The following LRRTM4 variants were observed in gnomAD, a reference collection of about 807,000 sequenced individuals.
The protein encoded by LRRTM4 is leucine-rich repeat transmembrane neuronal protein 4.
A neutral mutation model predicts 47.6 loss-of-function variants in LRRTM4; 25 were observed. That is an observed-to-expected ratio of 0.53 (90% CI 0.38 to 0.73). The LOEUF (loss-of-function observed/expected upper bound fraction) is 0.73, where lower values mean the gene tolerates loss of function less well. LRRTM4 is among the 30% of genes least tolerant of loss of function. The probability of loss-of-function intolerance (pLI) is 0.00; values close to 1 mark genes in which losing one functional copy is unlikely to be tolerated. For missense variants in LRRTM4, 638 were observed against 713.4 expected (o/e 0.89, Z 1.20); for synonymous variants, 311 against 269.5 (o/e 1.15, Z -1.51).
chr2:76,828,979 C>T (rs1671260401), intron 3 of LRRTM4, among the ~76,000 whole-genome samples: 2 of 151,968 alleles, frequency 1.3e-5, no homozygotes, highest in African/African-American at 4.8e-5. Context: ...CCTAAATCAT[C>T]TGCTTTGAGT....
At chr2:77,353,791 A>T (rs745772341) in intron 3 of LRRTM4, among the ~76,000 whole-genome samples, 2 of 152,174 alleles carry the variant, frequency 1.3e-5, no homozygotes, top group Non-Finnish European at 2.9e-5. Flanking sequence ...CCCAACTGAT[A>T]TGAAATGCAG....
At chr2:77,168,007 A>C (rs1313439307) in intron 3 of LRRTM4, among the ~76,000 whole-genome samples, 1 of 152,086 alleles carries the variant, frequency 6.6e-6, no homozygotes, top group Non-Finnish European at 1.5e-5. Flanking sequence ...ATTATAGGGA[A>C]TCTGTTTTTT....
At position 76,748,713 on chromosome 2, in the gene LRRTM4, T is replaced by C. The variant is rs1490871570; in HGVS notation, c.1755A>G (p.Leu585=). ...TTCAGCGTTAGTTTGCAATTCTCTC[T>C]AGGTAGATGGCCGGTGCTGCCGACC... ...IARSAAPAIY[L]ERIAN The change falls in exon 4 of 4, where the codon CTA becomes CTG. Residue 585 remains leucine (L), a synonymous_variant. Coordinates refer to ENST00000409884, the MANE Select transcript of LRRTM4 (RefSeq NM_001134745.3). 10 of 1,609,968 alleles carry C rather than the reference T, an allele frequency of 6.2e-6. No homozygotes were observed. In the South Asian group the frequency reaches 9.9e-5, roughly 16 times the overall value.
At chr2:77,361,990 G>A (rs973772807) in intron 3 of LRRTM4, among the ~76,000 whole-genome samples, 1 of 151,996 alleles carries the variant, frequency 6.6e-6, no homozygotes, top group African/African-American at 2.4e-5. Flanking sequence ...TCAGGAGGCT[G>A]AGGCAGGAGA....
chr2:76,778,515 C>T (rs1674161962), intron 3 of LRRTM4, among the ~76,000 whole-genome samples: 1 of 150,098 alleles, frequency 6.7e-6, no homozygotes, highest in Admixed American at 6.6e-5. Context: ...AGGAATTTAT[C>T]CATTTCTTGT....
At chr2:76,851,178 A>C (rs1671982437) in intron 3 of LRRTM4, among the ~76,000 whole-genome samples, 1 of 152,190 alleles carries the variant, frequency 6.6e-6, no homozygotes, top group African/African-American at 2.4e-5. Context: ...TGATTTACAG[A>C]GTGGGAAGCA....
chr2:77,489,718 A>G (rs1295137247), intron 3 of LRRTM4, among the ~76,000 whole-genome samples: 1 of 152,226 alleles, frequency 6.6e-6, no homozygotes, highest in Non-Finnish European at 1.5e-5. Context: ...GACAAAACCC[A>G]TTATTACAAA....
At chr2:77,330,960 A>G (rs1447770571) in intron 3 of LRRTM4, among the ~76,000 whole-genome samples, 2 of 152,168 alleles carry the variant, frequency 1.3e-5, no homozygotes, top group African/African-American at 4.8e-5. Context: ...ATAAAGCAGG[A>G]TGACTCAAAT....
chr2:76,901,521 C>A (rs543932646), intron 3 of LRRTM4, among the ~76,000 whole-genome samples: 1 of 152,084 alleles, frequency 6.6e-6, no homozygotes, highest in South Asian at 2.1e-4. Flanking sequence ...TCTTCATTCC[C>A]GCCCATTTTG....
chr2:77,045,673 T>G (rs1174127221), intron 3 of LRRTM4, among the ~76,000 whole-genome samples: 1 of 151,958 alleles, frequency 6.6e-6, no homozygotes, highest in Non-Finnish European at 1.5e-5. Flanking sequence ...CTGCCATCCA[T>G]GTAAGATGTG....
intron 3 of LRRTM4, among the ~76,000 whole-genome samples, chr2:77,208,167 C>A (rs1425611166): frequency 1.3e-5 from 2 of 152,032 alleles, no homozygotes; most frequent in African/African-American, 2.4e-5. Context: ...GCATGAGCCA[C>A]CACGCACCCC....
At chr2:76,770,272 C>A (rs887717083) in intron 3 of LRRTM4, among the ~76,000 whole-genome samples, 2 of 152,156 alleles carry the variant, frequency 1.3e-5, no homozygotes, top group Non-Finnish European at 2.9e-5. Context: ...CCTTGTCTTT[C>A]AAAACTCATA....
intron 3 of LRRTM4, among the ~76,000 whole-genome samples, chr2:77,388,287 C>G (rs547890369): frequency 1.9e-4 from 29 of 152,164 alleles, no homozygotes; most frequent in African/African-American, 6.7e-4. Flanking sequence ...TAGTCCAAAT[C>G]CCTTTAAGGT....
At chr2:76,783,253 T>C (rs1019466683) in intron 3 of LRRTM4, among the ~76,000 whole-genome samples, 1 of 152,212 alleles carries the variant, frequency 6.6e-6, no homozygotes, top group Non-Finnish European at 1.5e-5. Context: ...TCAGGTTACG[T>C]TGGTGATATC....
At chr2:77,217,440 AATATAT>A (rs34070418) in intron 3 of LRRTM4, among the ~76,000 whole-genome samples, 1,064 of 76,792 alleles carry the variant, frequency 0.014, 89 homozygotes, top group African/African-American at 0.055. Flanking sequence ...CTCCAAATGA[AATATAT>A]ATATATATAT....
At chr2:76,820,517 C>T (rs1428518679) in intron 3 of LRRTM4, among the ~76,000 whole-genome samples, 1 of 151,734 alleles carries the variant, frequency 6.6e-6, no homozygotes, top group Non-Finnish European at 1.5e-5. Context: ...GTCATAATTT[C>T]TGAGAGCTGT....
chr2:77,060,242 C>G (rs1288265930), intron 3 of LRRTM4, among the ~76,000 whole-genome samples: 1 of 152,084 alleles, frequency 6.6e-6, no homozygotes, highest in Non-Finnish European at 1.5e-5. Context: ...AAATATATGC[C>G]TATAACTTAG....
At chr2:77,175,531 T>A (rs1004010467) in intron 3 of LRRTM4, among the ~76,000 whole-genome samples, 3 of 151,936 alleles carry the variant, frequency 2.0e-5, no homozygotes, top group Non-Finnish European at 4.4e-5. Context: ...AAGAACCTGC[T>A]CTCCATTATC....
chr2:77,395,608 A>G (rs1444460711), intron 3 of LRRTM4, among the ~76,000 whole-genome samples: 1 of 151,916 alleles, frequency 6.6e-6, no homozygotes, highest in East Asian at 1.9e-4. Context: ...ACAGTTCTTA[A>G]TAAGTTGCTC....
Sources: gnomAD v4.1 joint callset for allele counts (sites outside exome capture counted in the v4.1 genomes callset) on GRCh38, gnomAD v4.1.1 for gene constraint, MANE v1.5 for transcripts, NCBI Gene and HGNC (gene_info 2026-07-23, HGNC 2026-07-21) for gene names.